DCBLD2: variants seen among roughly 807,000 people sequenced by gnomAD.
DCBLD2 encodes the protein discoidin, CUB and LCCL domain containing 2, also known as discoidin, CUB and LCCL domain-containing protein 2.
Under a neutral mutation model 86.8 loss-of-function variants are expected in DCBLD2, and 54 were observed. That is an observed-to-expected ratio of 0.62 (90% CI 0.50 to 0.78). The LOEUF is 0.78. Ranked by LOEUF, DCBLD2 falls within the 30% of genes least tolerant of loss-of-function variation. The pLI is 0.00. For synonymous variants in DCBLD2, 354 were observed against 341.3 expected (o/e 1.04, Z -0.41); for missense variants, 908 against 954.2 (o/e 0.95, Z 0.64).
intron 3 of DCBLD2, among the ~76,000 whole-genome samples, chr3:98,839,745 G>C (rs1421869782): frequency 6.6e-6 from 1 of 152,160 alleles, no homozygotes; most frequent in Non-Finnish European, 1.5e-5. Context: ...GGTGGGGTGG[G>C]GGAGGTAAAA....
At chr3:98,818,156 T>C (rs1942057030) in intron 8 of DCBLD2, among the ~76,000 whole-genome samples, 1 of 152,166 alleles carries the variant, frequency 6.6e-6, no homozygotes, top group Non-Finnish European at 1.5e-5. Context: ...CGTCGTAAAA[T>C]AGATTTTGAC....
chr3:98,874,596 C>G (rs142146532), intron 2 of DCBLD2, among the ~76,000 whole-genome samples: 2 of 152,148 alleles, frequency 1.3e-5, no homozygotes, highest in African/African-American at 4.8e-5. Context: ...GATACTGGTA[C>G]GCCCCCCAAA....
rs752234891 is a variant in DCBLD2 at position 98,799,581 on chromosome 3, G to T, written c.2119C>A (p.Gln707Lys). 1.2e-6 allele frequency: 2 copies of T among 1,613,998 alleles called. No homozygotes were observed. The highest frequency in any genetic ancestry group is 2.2e-5 in the South Asian group (2 of 91,082). The change falls in exon 16 of 16, where the codon CAA becomes AAA. Residue 707 changes from glutamine to lysine, a missense_variant. Gln to Lys is a moderately conservative substitution (Grantham distance 53, BLOSUM62 1). This residue lies in a region of DCBLD2 where 606 missense variants were observed against 678.5 expected (regional missense o/e 0.89). Coordinates refer to ENST00000326840, the MANE Select transcript of DCBLD2 (RefSeq NM_080927.4). The part of the protein sequence containing the change: ...STSTFKATGN[Q>K]PPPLVGTYNT... The stretch of plus-strand genomic sequence containing the variant: ...TAAGTTCCCACTAGTGGGGGAGGTT[G>T]GTTCCCCGTAGCCTTGAAAGTGGAT...
At chr3:98,873,458 A>G (rs2107514765) in intron 2 of DCBLD2, among the ~76,000 whole-genome samples, 1 of 152,280 alleles carries the variant, frequency 6.6e-6, no homozygotes, top group African/African-American at 2.4e-5. Context: ...ACTATAATGC[A>G]ATAGAATTAT....
intron 1 of DCBLD2, among the ~76,000 whole-genome samples, chr3:98,893,577 G>C (rs1023796587): frequency 1.2e-4 from 18 of 152,186 alleles, no homozygotes; most frequent in Middle Eastern, 3.4e-3. Flanking sequence ...CTGTGTGCCA[G>C]TCACTAAGAA....
intron 1 of DCBLD2, among the ~76,000 whole-genome samples, chr3:98,894,948 G>A (rs1257266834): frequency 1.3e-5 from 2 of 152,038 alleles, no homozygotes; most frequent in Non-Finnish European, 2.9e-5. Flanking sequence ...AGTGTGTGGG[G>A]ACTGTTCGAG....
chr3:98,834,997 G>A (rs1489488858), intron 3 of DCBLD2, among the ~76,000 whole-genome samples: 1 of 148,182 alleles, frequency 6.7e-6, no homozygotes, highest in African/African-American at 2.4e-5. Flanking sequence ...TTTTGAGACA[G>A]AGTTTTGCTC....
intron 1 of DCBLD2, 121 bp downstream of exon 1, chr3:98,901,001 T>C: frequency 6.7e-7 from 1 of 1,490,506 alleles, no homozygotes; most frequent in Non-Finnish European, 9.0e-7. Flanking sequence ...CCCAGCCAGG[T>C]CCGGCCACGC....
At chr3:98,868,039 G>A (rs1448560359) in intron 2 of DCBLD2, among the ~76,000 whole-genome samples, 2 of 151,988 alleles carry the variant, frequency 1.3e-5, no homozygotes, top group Admixed American at 6.6e-5. Flanking sequence ...TCCTGACCTT[G>A]TGATCTGCCC....
chr3:98,798,567 G>A lies in DCBLD2; in HGVS notation c.*805C>T, dbSNP rs1339467973. On this transcript the variant is annotated 3_prime_UTR_variant, in exon 16 of 16. Transcript: ENST00000326840. The stretch of plus-strand genomic sequence containing the variant: ...TCCTTTAAAGCTTTCAAATCATAAA[G>A]TTGTTCCTGTTTACACATTGAGGAG... 1 of 152,166 alleles carries A rather than the reference G, an allele frequency of 6.6e-6. No homozygotes were observed. The highest frequency in any genetic ancestry group is 1.5e-5 in the Non-Finnish European group (1 of 68,034). The allele number at this position is 152,166 out of a possible 1,614,324, so 9.4% of individuals were successfully genotyped here. A position where few individuals can be genotyped will look rare whatever the true frequency, so the allele number is the denominator to read the frequency against.
intron 8 of DCBLD2, among the ~76,000 whole-genome samples, chr3:98,818,244 A>C (rs551512694): frequency 6.6e-6 from 1 of 152,354 alleles, no homozygotes; most frequent in African/African-American, 2.4e-5. Flanking sequence ...AAAACAAAAT[A>C]AATATTTTAA....
chr3:98,861,407 A>C (rs937509675), intron 2 of DCBLD2, among the ~76,000 whole-genome samples: 18 of 152,192 alleles, frequency 1.2e-4, no homozygotes, highest in Non-Finnish European at 2.4e-4. Context: ...CTCCACCCCA[A>C]ATCAACACAA....
At chr3:98,881,884 ACTTT>A (rs1943478449) in intron 1 of DCBLD2, 117 bp from the exon 2 acceptor site, 6 of 1,003,742 alleles carry the variant, frequency 6.0e-6, no homozygotes, top group Admixed American at 2.8e-5. Context: ...TACCACCCAT[ACTTT>A]CTATTTTATT....
intron 12 of DCBLD2, among the ~76,000 whole-genome samples, chr3:98,810,961 T>A (rs925543946): frequency 4.6e-5 from 7 of 152,160 alleles, no homozygotes; most frequent in Non-Finnish European, 1.0e-4. Context: ...AGAGGAGGCC[T>A]GCAACACAGT....
In DCBLD2 at chr3:98,799,528, G is replaced by A. The variant is rs748760868; in HGVS notation, c.2172C>T (p.Ser724=). The A allele has an allele frequency of 6.8e-6, 11 of 1,613,994 alleles. No homozygotes were observed. The Admixed American group carries it at 1.8e-4, about 27-fold the overall frequency. The stretch of plus-strand genomic sequence containing the variant: ...CATACTGGGCCTGGGCTGAGGAGCA[G>A]CTGTCAGTCCTGGAGAGAAGTGTAT... ...TYNTLLSRTD[S]CSSAQAQYDT... The change falls in exon 16 of 16, where the codon AGC becomes AGT. Residue 724 remains serine, a synonymous_variant. Transcript: ENST00000326840.
Position 98,901,344 on chromosome 3 carries a change from T to G in DCBLD2, c.-18A>C, listed in dbSNP as rs762726895. On this transcript the variant is annotated 5_prime_UTR_variant, in exon 1 of 16. Transcript: ENST00000326840. Reference sequence around the variant, plus strand: ...CTCGCCATCGCGGCGGCCGGCAGTCTGCCTGCATAGTGCGGGTGCCTCGGC... The same window carrying G: ...CTCGCCATCGCGGCGGCCGGCAGTCGGCCTGCATAGTGCGGGTGCCTCGGC... 11 of 1,386,274 alleles carry G rather than the reference T, an allele frequency of 7.9e-6. 1 individual carries two copies. In the South Asian group the frequency reaches 1.2e-4, roughly 15 times the overall value. 85.9% of individuals were successfully genotyped at this position (1,386,274 alleles called of 1,614,324 possible).
chr3:98,874,331 A>G (rs1943331028), intron 2 of DCBLD2, among the ~76,000 whole-genome samples: 1 of 152,214 alleles, frequency 6.6e-6, no homozygotes, highest in Admixed American at 6.5e-5. Context: ...AAATACTAAT[A>G]AAATATTAGG....
intron 2 of DCBLD2, among the ~76,000 whole-genome samples, chr3:98,872,534 T>G (rs993722018): frequency 6.6e-6 from 1 of 152,202 alleles, no homozygotes; most frequent in African/African-American, 2.4e-5. Context: ...TCAGTTATTC[T>G]GTCGTAGCCA....
intron 2 of DCBLD2, among the ~76,000 whole-genome samples, chr3:98,852,492 C>T (rs1942857576): frequency 6.6e-6 from 1 of 152,190 alleles, no homozygotes; most frequent in Non-Finnish European, 1.5e-5. Context: ...GGTGATCCAC[C>T]CACCTCGGCC....
Sources: allele counts gnomAD v4.1 joint callset (sites outside exome capture counted in the v4.1 genomes callset), GRCh38; gene constraint gnomAD v4.1.1; regional missense constraint gnomAD v4.1.1; transcripts MANE v1.5; gene names NCBI Gene and HGNC (gene_info 2026-07-23, HGNC 2026-07-21).